FSIP1: variants seen among roughly 807,000 people sequenced by gnomAD.
FSIP1 encodes fibrous sheath-interacting protein 1.
Under a neutral mutation model 60.9 loss-of-function variants are expected in FSIP1, and 65 were observed. The ratio of observed to expected loss-of-function variants is 1.07; its 90% CI spans 0.87 to 1.31. FSIP1 has a LOEUF of 1.31. Ranked by LOEUF, FSIP1 falls within the 40% of genes most tolerant of loss-of-function variation. FSIP1 has a pLI of 0.00. For synonymous variants in FSIP1, 209 were observed against 221.2 expected (o/e 0.94, Z 0.49); for missense variants, 675 against 665.5 (o/e 1.01, Z -0.16).
chr15:39,730,725 A>G (rs148623750), intron 8 of FSIP1, among the ~76,000 whole-genome samples: 2 of 152,286 alleles, frequency 1.3e-5, no homozygotes, highest in East Asian at 3.9e-4. Context: ...AGATTCAGCT[A>G]TTTGAAAGCA....
intron 10 of FSIP1, among the ~76,000 whole-genome samples, chr15:39,688,520 A>G (rs1321648528): frequency 1.3e-5 from 2 of 152,240 alleles, no homozygotes; most frequent in Non-Finnish European, 2.9e-5. Context: ...CTGAATGCAT[A>G]TGGCTTTTGC....
intron 10 of FSIP1, among the ~76,000 whole-genome samples, chr15:39,643,582 C>T (rs1201291490): frequency 6.6e-6 from 1 of 152,220 alleles, no homozygotes; most frequent in Non-Finnish European, 1.5e-5. Context: ...AGCCTGCCAA[C>T]TACCCATTAG....
At chr15:39,742,061 T>C (rs750243815) in intron 5 of FSIP1, among the ~76,000 whole-genome samples, 161 bp from the exon 6 acceptor site, 23 of 152,182 alleles carry the variant, frequency 1.5e-4, no homozygotes, top group Non-Finnish European at 2.9e-4. Flanking sequence ...CACCTCCAAG[T>C]AGAAATGACA....
chr15:39,746,638 C>T lies in FSIP1; in HGVS notation c.560-4738G>A, dbSNP rs1270024741. 2.0e-5 allele frequency among the ~76,000 whole-genome samples: 3 copies of T among 152,194 alleles called. 1 individual carries two copies. The East Asian group carries it at 5.8e-4, about 29-fold the overall frequency. On this transcript the variant is annotated intron_variant, in intron 5 of 11. Transcript: ENST00000350221. ...GAAAAAAAATGAAAAACAAATGAAA[C>T]AGCATCCTGGTAATCAATGGGACAG...
At position 39,680,296 on chromosome 15, in the gene FSIP1, T is replaced by C. The variant is rs140125764; in HGVS notation, c.1188+33148A>G. 3.6e-3 allele frequency among the ~76,000 whole-genome samples: 544 copies of C among 152,232 alleles called. 3 individuals are homozygous for C. The highest frequency in any genetic ancestry group is 0.013 in the African/African-American group (520 of 41,520). ...GCATAGATAATAGAGCAGGAACCAG[T>C]TCTTAGAGTGTATTTATTCAGAGCA... On this transcript the variant is annotated intron_variant, in intron 10 of 11. Transcript: ENST00000350221.
intron 3 of FSIP1, among the ~76,000 whole-genome samples, chr15:39,768,226 T>C (rs1897758411): frequency 6.6e-6 from 1 of 152,238 alleles, no homozygotes; most frequent in African/African-American, 2.4e-5. Flanking sequence ...CCATTCCACT[T>C]TGTTTCCTGA....
intron 10 of FSIP1, among the ~76,000 whole-genome samples, chr15:39,697,622 A>T (rs1031812477): frequency 8.5e-5 from 13 of 152,226 alleles, no homozygotes; most frequent in African/African-American, 3.1e-4. Context: ...CGTCACTCCC[A>T]AGTTAAGAAA....
intron 8 of FSIP1, among the ~76,000 whole-genome samples, chr15:39,730,580 T>C (rs1896368108): frequency 2.0e-5 from 3 of 152,222 alleles, no homozygotes; most frequent in Admixed American, 2.0e-4. Flanking sequence ...AAAACTTTTA[T>C]ATTTTTATCC....
intron 11 of FSIP1, among the ~76,000 whole-genome samples, chr15:39,610,348 A>C (rs2140369150): frequency 6.6e-6 from 1 of 152,334 alleles, no homozygotes; most frequent in South Asian, 2.1e-4. Context: ...AATTCAAGCC[A>C]AAGATGAGTG....
intron 1 of FSIP1, among the ~76,000 whole-genome samples, chr15:39,777,816 C>A (rs2631716): frequency 0.011 from 1,693 of 152,296 alleles, 15 homozygotes; most frequent in African/African-American, 0.024. Context: ...ATGAAAAAGG[C>A]AATTGCCTCT....
intron 10 of FSIP1, among the ~76,000 whole-genome samples, chr15:39,668,308 G>A (rs1893581367): frequency 6.8e-6 from 1 of 146,016 alleles, no homozygotes; most frequent in South Asian, 2.2e-4. Context: ...CGCCTTTTTT[G>A]TGAAGTCCCC....
At chr15:39,743,932 C>T (rs1208847597) in intron 5 of FSIP1, among the ~76,000 whole-genome samples, 1 of 152,140 alleles carries the variant, frequency 6.6e-6, no homozygotes, top group Non-Finnish European at 1.5e-5. Flanking sequence ...TGTCATAAAA[C>T]ACCAAGACTA....
At chr15:39,663,617 A>C in intron 10 of FSIP1, among the ~76,000 whole-genome samples, 1 of 152,176 alleles carries the variant, frequency 6.6e-6, no homozygotes, top group Non-Finnish European at 1.5e-5. Flanking sequence ...TAAGGTTAGG[A>C]ATGAAAATGG....
chr15:39,647,503 A>G (rs1412095194), intron 10 of FSIP1, among the ~76,000 whole-genome samples: 2 of 152,170 alleles, frequency 1.3e-5, no homozygotes, highest in Non-Finnish European at 2.9e-5. Context: ...GGGCTCAGGT[A>G]TCCACCTCTG....
chr15:39,704,281 C>A (rs933134850), intron 10 of FSIP1, among the ~76,000 whole-genome samples: 1 of 152,192 alleles, frequency 6.6e-6, no homozygotes, highest in Non-Finnish European at 1.5e-5. Context: ...TTCTGCAGTT[C>A]TAAACAAAGA....
chr15:39,710,628 C>CA (rs1042749442), intron 10 of FSIP1, among the ~76,000 whole-genome samples: 15 of 151,966 alleles, frequency 9.9e-5, no homozygotes, highest in African/African-American at 2.7e-4. Flanking sequence ...CTTTAATTCA[C>CA]AAAAAAAGAC....
At chr15:39,723,540 T>A (rs1896068748) in intron 9 of FSIP1, among the ~76,000 whole-genome samples, 1 of 152,224 alleles carries the variant, frequency 6.6e-6, no homozygotes, top group Non-Finnish European at 1.5e-5. Flanking sequence ...GAAGTGAGAC[T>A]TTTTTATTCC....
At chr15:39,628,234 C>G (rs1891724116) in intron 10 of FSIP1, among the ~76,000 whole-genome samples, 2 of 152,216 alleles carry the variant, frequency 1.3e-5, no homozygotes, top group South Asian at 4.1e-4. Context: ...CCTAGGGCAG[C>G]CAGAGGCAGC....
chr15:39,698,811 G>A (rs1291258821), intron 10 of FSIP1, among the ~76,000 whole-genome samples: 3 of 152,166 alleles, frequency 2.0e-5, no homozygotes, highest in African/African-American at 7.2e-5. Flanking sequence ...GCACCAGGAG[G>A]AATGTTAACC....
Sources: gnomAD v4.1 joint callset for allele counts (sites outside exome capture counted in the v4.1 genomes callset) on GRCh38, gnomAD v4.1.1 for gene constraint, MANE v1.5 for transcripts, NCBI Gene and HGNC (gene_info 2026-07-23, HGNC 2026-07-21) for gene names.